The following CCT5 variants were observed in gnomAD, a reference collection of about 807,000 sequenced individuals.
The protein encoded by CCT5 is T-complex protein 1 subunit epsilon.
A neutral mutation model predicts 55.0 loss-of-function variants in CCT5; 6 were observed. That is an observed-to-expected ratio of 0.11 (90% CI 0.06 to 0.22). CCT5 has a LOEUF of 0.22. Ranked by LOEUF, CCT5 falls within the 10% of genes least tolerant of loss-of-function variation. CCT5 has a pLI of 1.00. For missense variants in CCT5, 560 were observed against 694.6 expected, an observed-to-expected ratio of 0.81 and a Z score of 2.18; for synonymous variants, 231 against 243.7, an observed-to-expected ratio of 0.95 and a Z score of 0.49.
chr5:10,256,048 G>C lies in CCT5; in HGVS notation c.425G>C (p.Arg142Pro). 1 of 1,614,032 alleles carries C rather than the reference G, an allele frequency of 6.2e-7. No individual in the cohort carries two copies. The highest frequency in any genetic ancestry group is 8.5e-7 in the Non-Finnish European group (1 of 1,179,880). Residue 142 changes from arginine to proline, a missense_variant, in exon 4 of 11, where the codon CGT (arginine) becomes CCT (proline). Arg to Pro is a moderately radical substitution (Grantham distance 103). Around this residue, in one of 4 missense-constraint regions of CCT5, gnomAD observed 52 missense variants for 35.3 expected, o/e 1.47. Transcript: ENST00000280326. ...GCCGATGGCTATGAGCAGGCTGCTC[G>C]TGTTGCTATTGAACACCTGGACAAG... Reference protein sequence around the residue: ...RIADGYEQAARVAIEHLDKIS... With the variant: ...RIADGYEQAAPVAIEHLDKIS...
At chr5:10,256,365 C>T (rs539487450) in intron 4 of CCT5, among the ~76,000 whole-genome samples, 39 of 152,254 alleles carry the variant, frequency 2.6e-4, no homozygotes, top group African/African-American at 8.9e-4. Context: ...AGGTATAAAT[C>T]CCCTTGACAA....
At chr5:10,250,811 C>G in intron 1 of CCT5, 1 of 1,129,154 alleles carries the variant, frequency 8.9e-7, no homozygotes, top group Non-Finnish European at 1.1e-6. Flanking sequence ...GATGCTCTGT[C>G]ACCTGTCGGT....
chr5:10,262,263 G>A (rs1406714746), intron 8 of CCT5: 5 of 560,774 alleles, frequency 8.9e-6, no homozygotes, highest in Non-Finnish European at 3.2e-6. Context: ...ACTCTTGCTT[G>A]ACCGTGTATC....
chr5:10,266,027 G>A lies in CCT5; in HGVS notation c.*1244G>A, dbSNP rs1034719631. On this transcript the variant is annotated 3_prime_UTR_variant, in exon 11 of 11. Transcript: ENST00000280326. Reference sequence around the variant, plus strand: ...GTGTTTTCTCTACATTCATGCATTGGATGTTTTGCTAAATAACTCCTGTGG... The same window carrying A: ...GTGTTTTCTCTACATTCATGCATTGAATGTTTTGCTAAATAACTCCTGTGG... 1.3e-5 allele frequency: 2 copies of A among 152,098 alleles called. No homozygotes were observed. The highest frequency in any genetic ancestry group is 4.8e-5 in the African/African-American group (2 of 41,388). 9.4% of individuals were successfully genotyped at this position (152,098 alleles called of 1,614,324 possible). A position where few individuals can be genotyped will look rare whatever the true frequency, so the allele number is the denominator to read the frequency against.
At chr5:10,260,543 C>CT (rs72534179) in intron 6 of CCT5, among the ~76,000 whole-genome samples, 2 of 63,290 alleles carry the variant, frequency 3.2e-5, no homozygotes, top group Non-Finnish European at 1.1e-4. Context: ...TAGGGTTCAG[C>CT]AGAATTACTG....
chr5:10,254,343 T>A, intron 2 of CCT5, 138 bp downstream of exon 2: 1 of 701,602 alleles, frequency 1.4e-6, no homozygotes, highest in South Asian at 1.6e-5. Flanking sequence ...TTTAGTGTAT[T>A]TCAGGTTTCT....
In CCT5 at chr5:10,265,852, T is replaced by G. The variant is rs1279892984; in HGVS notation, c.*1069T>G. 2 of 152,198 alleles carry G rather than the reference T, an allele frequency of 1.3e-5. No homozygotes were observed. Among genetic ancestry groups the G allele is most frequent in the Non-Finnish European group, 2.9e-5 (2 of 68,038 alleles). The allele number at this position is 152,198 out of a possible 1,614,324, so 9.4% of individuals were successfully genotyped here. A position where few individuals can be genotyped will look rare whatever the true frequency, so the allele number is the denominator to read the frequency against. On this transcript the variant is annotated 3_prime_UTR_variant, in exon 11 of 11. Transcript: ENST00000280326. Reference sequence around the variant, plus strand: ...AGCATTGTGATGATAAAGCTCATGATGAACTTTATCACTAGTTATGCCACC... The same window carrying G: ...AGCATTGTGATGATAAAGCTCATGAGGAACTTTATCACTAGTTATGCCACC...
chr5:10,261,796 C>G (rs753533342), intron 8 of CCT5, 51 bp downstream of exon 8: 31 of 1,514,326 alleles, frequency 2.0e-5, no homozygotes, highest in Non-Finnish European at 2.6e-5. Context: ...GCTTCATGGT[C>G]TGGCTTTTTT....
At position 10,250,291 on chromosome 5, in the gene CCT5, T is replaced by C; in HGVS notation, c.-50T>C. 1 of 1,613,188 alleles carries C rather than the reference T, an allele frequency of 6.2e-7. No homozygotes were observed. Among genetic ancestry groups the C allele is most frequent in the African/African-American group, 1.3e-5 (1 of 75,064 alleles). On this transcript the variant is annotated 5_prime_UTR_variant, in exon 1 of 11. Transcript: ENST00000280326. ...CGAGAAAGGGAAGTGCATTCTCGCT[T>C]CCGTAGCGGTCTCCGCCGGTTGGGG...
rs1561054570 is a variant in CCT5 at position 10,265,632 on chromosome 5, C to T, written c.*849C>T. 1 of 152,070 alleles carries T rather than the reference C, an allele frequency of 6.6e-6. No individual in the cohort carries two copies. Among genetic ancestry groups the T allele is most frequent in the Non-Finnish European group, 1.5e-5 (1 of 68,034 alleles). 9.4% of individuals were successfully genotyped at this position (152,070 alleles called of 1,614,324 possible). A position where few individuals can be genotyped will look rare whatever the true frequency, so the allele number is the denominator to read the frequency against. On this transcript the variant is annotated 3_prime_UTR_variant, in exon 11 of 11. Coordinates refer to ENST00000280326, the MANE Select transcript of CCT5 (RefSeq NM_012073.5). ...CTACCGGGATTGTCTGTTCTGACAA[C>T]CCAGTGAGGCAGATACACTTTCTTA...
At chr5:10,261,819 T>G in intron 8 of CCT5, 74 bp downstream of exon 8, 2 of 1,140,370 alleles carry the variant, frequency 1.8e-6, no homozygotes, top group Non-Finnish European at 2.7e-6. Flanking sequence ...CTGTGTGTAT[T>G]TAACAGAGAC....
chr5:10,264,820 G>C lies in CCT5; in HGVS notation c.*37G>C, dbSNP rs1364242347. The C allele has an allele frequency of 6.2e-7, 1 of 1,610,154 alleles. No individual in the cohort carries two copies. The highest frequency in any genetic ancestry group is 1.1e-5 in the South Asian group (1 of 90,956). On this transcript the variant is annotated 3_prime_UTR_variant, in exon 11 of 11. Coordinates refer to ENST00000280326, the MANE Select transcript of CCT5 (RefSeq NM_012073.5). ...AAACTATGTAGCAAGATCCACTTCT[G>C]TGATTAAGTAAATGGATGTCTCGTG...
Position 10,258,171 on chromosome 5 carries a change from A to G in CCT5, c.591A>G (p.Ala197=), listed in dbSNP as rs1242304207. The G allele has an allele frequency of 6.2e-7, 1 of 1,614,120 alleles. No homozygotes were observed. The highest frequency in any genetic ancestry group is 8.5e-7 in the Non-Finnish European group (1 of 1,180,056). The part of the protein sequence containing the change: ...EIAVNAVLTV[A]DMERRDVDFE... The stretch of plus-strand genomic sequence containing the variant: ...CTGTGAATGCCGTCCTCACTGTAGC[A>G]GATATGGAGCGGAGAGACGTTGACT... Residue 197 remains alanine (A), a synonymous_variant, in exon 5 of 11, where the codon GCA becomes GCG. Transcript: ENST00000280326.
intron 6 of CCT5, among the ~76,000 whole-genome samples, chr5:10,259,709 T>C (rs1745861303): frequency 6.6e-6 from 1 of 152,184 alleles, no homozygotes; most frequent in East Asian, 1.9e-4. Flanking sequence ...GATTGAAGCA[T>C]GCTGGCGGGA....
chr5:10,251,377 A>G (rs1388808484), intron 1 of CCT5, among the ~76,000 whole-genome samples: 1 of 152,224 alleles, frequency 6.6e-6, no homozygotes. Flanking sequence ...TAAAGAAACC[A>G]GGGCAGGGGT....
chr5:10,262,951 C>T (rs1240440381), intron 9 of CCT5, among the ~76,000 whole-genome samples, 183 bp from the exon 10 acceptor site: 4 of 152,200 alleles, frequency 2.6e-5, no homozygotes, highest in African/African-American at 9.7e-5. Context: ...TGTATGTATA[C>T]CCTCTGCCTG....
chr5:10,257,557 A>G (rs1393368858), intron 4 of CCT5, among the ~76,000 whole-genome samples: 1 of 150,116 alleles, frequency 6.7e-6, no homozygotes, highest in Admixed American at 6.6e-5. Flanking sequence ...AAATTAATTT[A>G]TTGAACTGTC....
intron 8 of CCT5, 192 bp from the exon 9 acceptor site, chr5:10,262,289 G>A (rs1746004869): frequency 1.6e-6 from 1 of 634,646 alleles, no homozygotes; most frequent in East Asian, 2.9e-5. Flanking sequence ...ATGAGTCACT[G>A]GCCGCCTCTG....
At chr5:10,258,576 A>T in intron 6 of CCT5, 41 bp downstream of exon 6, 2 of 1,554,698 alleles carry the variant, frequency 1.3e-6, no homozygotes, top group Non-Finnish European at 1.8e-6. Flanking sequence ...TAAACTCCCA[A>T]AGGGTACAGT....
Sources: gnomAD v4.1 joint callset for allele counts (sites outside exome capture counted in the v4.1 genomes callset) on GRCh38, gnomAD v4.1.1 for gene constraint, gnomAD v4.1.1 regional missense constraint, MANE v1.5 for transcripts, NCBI Gene and HGNC (gene_info 2026-07-23, HGNC 2026-07-21) for gene names.